PTPN1: variants seen among roughly 807,000 people sequenced by gnomAD.
PTPN1 encodes the protein protein tyrosine phosphatase non-receptor type 1.
A neutral mutation model predicts 59.9 loss-of-function variants in PTPN1; 12 were observed. The observed-to-expected ratio is 0.20, with a 90% confidence interval of 0.13 to 0.32. The LOEUF is 0.32. Among genes scored for constraint, PTPN1 ranks in the 10% least tolerant of loss-of-function variants. The probability of loss-of-function intolerance (pLI) is 1.00; values close to 1 mark genes in which losing one functional copy is unlikely to be tolerated. For synonymous variants in PTPN1, 178 were observed against 203.6 expected (o/e 0.87, Z 1.07); for missense variants, 356 against 549.2 (o/e 0.65, Z 3.52).
intron 1 of PTPN1, among the ~76,000 whole-genome samples, chr20:50,519,577 C>T (rs1205367927): frequency 6.6e-6 from 1 of 152,128 alleles, no homozygotes; most frequent in Admixed American, 6.5e-5. Flanking sequence ...TGGGTGTGGG[C>T]CTTCATCTGC....
intron 2 of PTPN1, among the ~76,000 whole-genome samples, chr20:50,564,585 C>A (rs1378096713): frequency 6.6e-6 from 1 of 152,044 alleles, no homozygotes; most frequent in Admixed American, 6.5e-5. Context: ...CAGAGTGAGA[C>A]TCTTGACTCA....
intron 1 of PTPN1, among the ~76,000 whole-genome samples, chr20:50,538,518 T>G (rs1156316299): frequency 1.3e-5 from 2 of 152,244 alleles, no homozygotes; most frequent in African/African-American, 4.8e-5. Flanking sequence ...ATTCGCTGTT[T>G]ACGTTTGCGT....
intron 1 of PTPN1, among the ~76,000 whole-genome samples, chr20:50,528,591 G>T (rs2082587428): frequency 6.6e-6 from 1 of 151,936 alleles, no homozygotes; most frequent in East Asian, 1.9e-4. Context: ...GCGGGTGCCT[G>T]TAGTCCCAGC....
intron 7 of PTPN1, 138 bp from the exon 8 acceptor site, chr20:50,579,565 A>G (rs1050438400): frequency 6.5e-6 from 6 of 919,270 alleles, no homozygotes; most frequent in Admixed American, 2.3e-5. Context: ...AAAAGATTTC[A>G]TCTTCCAAGT....
chr20:50,525,734 CTA>C (rs1218737566), intron 1 of PTPN1, among the ~76,000 whole-genome samples: 1 of 151,500 alleles, frequency 6.6e-6, no homozygotes, highest in African/African-American at 2.4e-5. Context: ...GGTATTTTGA[CTA>C]TTTTTTTGAA....
In PTPN1 at chr20:50,576,712, C is replaced by CA. The variant is rs760227658; in HGVS notation, c.493-1694dup. On this transcript the variant is annotated intron_variant, in intron 5 of 9. Coordinates refer to ENST00000371621, the MANE Select transcript of PTPN1 (RefSeq NM_002827.4). ...TGAAACCCCATCTCTACTAAAAATA[C>CA]AAAAAAAAAAAAAATTAGCCGGGCG... Among the ~76,000 whole-genome samples the CA allele has an allele frequency of 9.8e-3, 1,320 of 134,664 alleles. 9 individuals carry two copies. The highest frequency in any genetic ancestry group is 0.038 in the Middle Eastern group (10 of 264). The allele number at this position is 134,664 out of a possible 152,430, so 88.3% of individuals were successfully genotyped here.
chr20:50,510,621 C>G, intron 1 of PTPN1, 31 bp downstream of exon 1: 3 of 1,548,576 alleles, frequency 1.9e-6, no homozygotes, highest in Non-Finnish European at 2.6e-6. Flanking sequence ...GTGGCGGGCC[C>G]TTCGCTTAGG....
chr20:50,525,273 G>T (rs2082569601), intron 1 of PTPN1, among the ~76,000 whole-genome samples: 1 of 152,046 alleles, frequency 6.6e-6, no homozygotes, highest in African/African-American at 2.4e-5. Flanking sequence ...GTTGGCCAGG[G>T]TGGTCTCGCA....
intron 4 of PTPN1, chr20:50,572,466 G>C (rs1024643428): frequency 6.6e-6 from 1 of 152,192 alleles, no homozygotes; most frequent in African/African-American, 2.4e-5. Context: ...TTCCTCACTT[G>C]TACAGTTCCA....
At chr20:50,533,632 C>A (rs1211316298) in intron 1 of PTPN1, among the ~76,000 whole-genome samples, 2 of 152,026 alleles carry the variant, frequency 1.3e-5, no homozygotes, top group African/African-American at 4.8e-5. Flanking sequence ...TCACATGAGG[C>A]TTTTTGTCCC....
At chr20:50,577,528 G>A (rs945493077) in intron 5 of PTPN1, 1 of 152,242 alleles carries the variant, frequency 6.6e-6, no homozygotes, top group Non-Finnish European at 1.5e-5. Flanking sequence ...GGAGCTCTTA[G>A]GTCATTGAAG....
intron 1 of PTPN1, among the ~76,000 whole-genome samples, chr20:50,554,115 C>T (rs753925862): frequency 6.6e-6 from 1 of 152,184 alleles, no homozygotes. Flanking sequence ...CCACAGTAGG[C>T]CTGGCACACT....
At chr20:50,580,502 T>C (rs2082862086) in intron 8 of PTPN1, among the ~76,000 whole-genome samples, 2 of 152,142 alleles carry the variant, frequency 1.3e-5, no homozygotes, top group African/African-American at 4.8e-5. Context: ...TGGGGGCCCA[T>C]GGACAGTGAT....
intron 1 of PTPN1, among the ~76,000 whole-genome samples, chr20:50,524,945 T>TA (rs1453144620): frequency 2.0e-5 from 3 of 152,176 alleles, no homozygotes; most frequent in Non-Finnish European, 4.4e-5. Flanking sequence ...AGTACCTTAT[T>TA]AAAAAACTCA....
intron 4 of PTPN1, among the ~76,000 whole-genome samples, chr20:50,569,562 T>C (rs550570241): frequency 6.6e-6 from 1 of 151,474 alleles, no homozygotes; most frequent in Non-Finnish European, 1.5e-5. Context: ...CCTGTGTAGA[T>C]TGTCTGTGTA....
chr20:50,574,658 A>C lies in PTPN1; in HGVS notation c.492+4A>C. 5.0e-6 allele frequency: 8 copies of C among 1,601,368 alleles called. No individual in the cohort carries two copies. The highest frequency in any genetic ancestry group is 1.4e-5 in the African/African-American group (1 of 74,056). On this transcript the variant is annotated splice_donor_region_variant and intron_variant, in intron 5 of 9. Coordinates refer to ENST00000371621, the MANE Select transcript of PTPN1 (RefSeq NM_002827.4). Reference sequence around the variant, plus strand: ...GCTAGAATTGGAAAACCTTACAGTGAGTATAGCACACACTTCAGCACTTCA... The same window carrying C: ...GCTAGAATTGGAAAACCTTACAGTGCGTATAGCACACACTTCAGCACTTCA...
chr20:50,545,721 A>AT (rs2082672177), intron 1 of PTPN1, among the ~76,000 whole-genome samples: 1 of 152,108 alleles, frequency 6.6e-6, no homozygotes. Flanking sequence ...TTCTGCCTTA[A>AT]TAAGAGTGGT....
At chr20:50,566,861 G>A (rs1426996065) in intron 3 of PTPN1, among the ~76,000 whole-genome samples, 1 of 152,146 alleles carries the variant, frequency 6.6e-6, no homozygotes, top group Non-Finnish European at 1.5e-5. Flanking sequence ...TGCAGTGACT[G>A]GGGTCTTCAT....
intron 1 of PTPN1, among the ~76,000 whole-genome samples, chr20:50,526,730 C>T (rs188484201): frequency 2.4e-3 from 358 of 152,228 alleles, no homozygotes; most frequent in African/African-American, 8.3e-3. Flanking sequence ...TCTCCTCCCC[C>T]CACCGCAGCC....
Sources: gnomAD v4.1 joint callset for allele counts (sites outside exome capture counted in the v4.1 genomes callset) on GRCh38, gnomAD v4.1.1 for gene constraint, MANE v1.5 for transcripts, NCBI Gene and HGNC (gene_info 2026-07-23, HGNC 2026-07-21) for gene names.